The following RSF1 variants were observed in gnomAD, a reference collection of about 807,000 sequenced individuals.
The protein encoded by RSF1 is remodeling and spacing factor 1, also known as HBV pX-associated protein 8.
A neutral mutation model predicts 145.2 loss-of-function variants in RSF1; 13 were observed. That is an observed-to-expected ratio of 0.09 (90% confidence interval 0.06 to 0.14). The LOEUF is 0.14. Among genes scored for constraint, RSF1 ranks in the 10% least tolerant of loss-of-function variants. The pLI is 1.00. For missense variants in RSF1, 1,517 were observed against 1,718.2 expected (o/e 0.88, Z 2.07); for synonymous variants, 577 against 592.6 (o/e 0.97, Z 0.38).
intron 5 of RSF1, 79 bp downstream of exon 5, chr11:77,725,466 A>G: frequency 2.7e-6 from 3 of 1,129,756 alleles, no homozygotes; most frequent in Non-Finnish European, 3.5e-6. Flanking sequence ...GAAATTCAGA[A>G]TTATATAGTT....
chr11:77,810,154 C>T (rs750558546), intron 1 of RSF1, among the ~76,000 whole-genome samples: 3 of 152,196 alleles, frequency 2.0e-5, no homozygotes, highest in Non-Finnish European at 4.4e-5. Flanking sequence ...TTAATAACTA[C>T]ATCCTTTCCC....
chr11:77,774,681 C>T (rs912058194), intron 1 of RSF1, among the ~76,000 whole-genome samples: 8 of 151,236 alleles, frequency 5.3e-5, no homozygotes, highest in Admixed American at 2.6e-4. Context: ...AATCCCAGTA[C>T]TTTGGAAGGC....
intron 9 of RSF1, among the ~76,000 whole-genome samples, chr11:77,686,272 G>C (rs1960001371): frequency 6.6e-6 from 1 of 151,690 alleles, no homozygotes; most frequent in Non-Finnish European, 1.5e-5. Flanking sequence ...GCCAGGTATG[G>C]TGGCACACAC....
chr11:77,768,161 CT>C (rs758401653), intron 1 of RSF1, among the ~76,000 whole-genome samples: 139 of 122,784 alleles, frequency 1.1e-3, no homozygotes, highest in East Asian at 1.8e-3. Context: ...ATATTATCAG[CT>C]TTTTTTTTTT....
intron 1 of RSF1, among the ~76,000 whole-genome samples, chr11:77,769,593 G>A (rs567769134): frequency 7.2e-5 from 11 of 152,312 alleles, no homozygotes; most frequent in African/African-American, 2.4e-4. Flanking sequence ...CATGATGTAG[G>A]TATGAAGTAG....
intron 1 of RSF1, among the ~76,000 whole-genome samples, chr11:77,806,820 T>C (rs1948682512): frequency 6.6e-6 from 1 of 152,132 alleles, no homozygotes; most frequent in Admixed American, 6.5e-5. Flanking sequence ...TTCAGTAATG[T>C]ATATCTTTAC....
chr11:77,672,062 A>G lies in RSF1; in HGVS notation c.3731T>C (p.Leu1244Pro). 1 of 1,611,896 alleles carries G rather than the reference A, an allele frequency of 6.2e-7. No individual in the cohort carries two copies. The highest frequency in any genetic ancestry group is 8.5e-7 in the Non-Finnish European group (1 of 1,179,530). Residue 1244 changes from leucine to proline, a missense_variant, in exon 15 of 16, where the codon CTT becomes CCT. Transcript: ENST00000308488. Reference sequence around the variant, plus strand: ...CTTACCTTCACTCTCTGAGCTGGAAAGTCTTCGCTTGTGTACTCGCCTTAT... The same window carrying G: ...CTTACCTTCACTCTCTGAGCTGGAAGGTCTTCGCTTGTGTACTCGCCTTAT... ...KEIRRVHKRR[L>P]SSSESEESYL...
At chr11:77,730,309 C>T (rs1961170987) in intron 4 of RSF1, among the ~76,000 whole-genome samples, 1 of 152,130 alleles carries the variant, frequency 6.6e-6, no homozygotes, top group Admixed American at 6.6e-5. Flanking sequence ...TACATGAAAA[C>T]TGTATATACT....
the RSF1 span, among the ~76,000 whole-genome samples, chr11:77,863,362 C>T: frequency 3.9e-5 from 6 of 152,114 alleles, no homozygotes; most frequent in African/African-American, 7.2e-5. Context: ...CAGTGGTGGA[C>T]GGTGAGCGAA....
At chr11:77,820,481 A>G in intron 1 of RSF1, 47 bp downstream of exon 1, 1 of 1,529,090 alleles carries the variant, frequency 6.5e-7, no homozygotes, top group South Asian at 1.2e-5. Context: ...GGAGAGTAGC[A>G]GAGCGCCAGG....
chr11:77,699,809 A>G (rs1162139386), intron 6 of RSF1, among the ~76,000 whole-genome samples: 1 of 152,238 alleles, frequency 6.6e-6, no homozygotes, highest in Non-Finnish European at 1.5e-5. Context: ...TCAATGCAGC[A>G]TTGCCTGTAA....
the RSF1 span, among the ~76,000 whole-genome samples, chr11:77,831,020 A>G: frequency 6.0e-5 from 9 of 149,848 alleles, no homozygotes; most frequent in African/African-American, 2.2e-4. Flanking sequence ...ATAGCCAGAC[A>G]TGGTGGCATG....
chr11:77,772,648 C>T (rs923093166), intron 1 of RSF1, among the ~76,000 whole-genome samples: 1 of 152,004 alleles, frequency 6.6e-6, no homozygotes, highest in Non-Finnish European at 1.5e-5. Context: ...GAAGGAATTA[C>T]ACGAGATGAT....
At chr11:77,721,858 A>C (rs1960948102) in intron 5 of RSF1, among the ~76,000 whole-genome samples, 1 of 152,182 alleles carries the variant, frequency 6.6e-6, no homozygotes, top group African/African-American at 2.4e-5. Context: ...TTGTTGTTAG[A>C]GAAAGAGAAG....
At chr11:77,855,106 G>A in the RSF1 span, among the ~76,000 whole-genome samples, 1 of 152,150 alleles carries the variant, frequency 6.6e-6, no homozygotes, top group East Asian at 1.9e-4. Context: ...GCTATGACCT[G>A]AGGCTGCACA....
intron 11 of RSF1, among the ~76,000 whole-genome samples, chr11:77,683,019 G>A (rs1959905744): frequency 6.6e-6 from 1 of 152,210 alleles, no homozygotes; most frequent in Non-Finnish European, 1.5e-5. Flanking sequence ...TTGGCTGGGT[G>A]TGGTGGCTCA....
At position 77,660,708 on chromosome 11, in the gene RSF1, C is replaced by G. The variant is rs57229097; in HGVS notation, c.*6209G>C. 269 of 152,180 alleles carry G rather than the reference C, an allele frequency of 1.8e-3. 2 individuals carry two copies. The highest frequency in any genetic ancestry group is 6.8e-3 in the Middle Eastern group (2 of 294). 9.4% of individuals were successfully genotyped at this position (152,180 alleles called of 1,614,324 possible). On this transcript the variant is annotated 3_prime_UTR_variant, in exon 16 of 16. Transcript: ENST00000308488. Reference sequence around the variant, plus strand: ...ACTTTAAATCAAAATTCTAAAGATACCATTTATAAATTTTTATGTGGAATT... The same window carrying G: ...ACTTTAAATCAAAATTCTAAAGATAGCATTTATAAATTTTTATGTGGAATT...
chr11:77,754,459 G>A (rs890804792), intron 2 of RSF1, among the ~76,000 whole-genome samples: 1 of 151,910 alleles, frequency 6.6e-6, no homozygotes, highest in South Asian at 2.1e-4. Context: ...AAAAATTAGG[G>A]CTTGGTATGT....
At chr11:77,862,802 C>T in the RSF1 span, among the ~76,000 whole-genome samples, 1 of 152,098 alleles carries the variant, frequency 6.6e-6, no homozygotes, top group Non-Finnish European at 1.5e-5. Flanking sequence ...CTCAGGAGGC[C>T]AGGTTTCTCC....
Sources: allele counts gnomAD v4.1 joint callset (sites outside exome capture counted in the v4.1 genomes callset), GRCh38; gene constraint gnomAD v4.1.1; transcripts MANE v1.5; gene names NCBI Gene and HGNC (gene_info 2026-07-23, HGNC 2026-07-21).